Variants in RYR1 observed in about 807,000 individuals in gnomAD.
RYR1 encodes central core disease of muscle.
Under a neutral mutation model 583.5 loss-of-function variants are expected in RYR1, and 342 were observed. That is an observed-to-expected ratio of 0.59 (90% CI 0.54 to 0.64). The LOEUF is 0.64. Ranked by LOEUF, RYR1 falls within the 30% of genes least tolerant of loss-of-function variation. The probability of loss-of-function intolerance (pLI) is 0.00; values close to 1 mark genes in which losing one functional copy is unlikely to be tolerated. For synonymous variants in RYR1, 2,791 were observed against 2,822.5 expected (o/e 0.99, Z 0.35); for missense variants, 6,032 against 6,917.2 (o/e 0.87, Z 4.54).
chr19:38,515,988 A>G (rs1172490161), intron 64 of RYR1, 99 bp from the exon 65 acceptor site: 2 of 1,424,262 alleles, frequency 1.4e-6, no homozygotes, highest in African/African-American at 2.9e-5. Context: ...GCTCTGTCCC[A>G]AAGGGTTCTG....
intron 29 of RYR1, among the ~76,000 whole-genome samples, chr19:38,476,793 G>T (rs1377685473): frequency 2.0e-5 from 3 of 152,158 alleles, no homozygotes; most frequent in Non-Finnish European, 4.4e-5. Context: ...CTCCTATGGA[G>T]GTGCTATGGT....
Position 38,459,140 on chromosome 19 carries a change from A to G in RYR1, c.2168-6A>G. The G allele has an allele frequency of 6.2e-7, 1 of 1,612,670 alleles. No individual in the cohort carries two copies. The highest frequency in any genetic ancestry group is 8.5e-7 in the Non-Finnish European group (1 of 1,179,874). ...ACGTCTGACCCATCTCTGGTGACTG[A>G]TGCAGGACACGTGGCACGCCCAGTG... On this transcript the variant is annotated splice_polypyrimidine_tract_variant and splice_region_variant and intron_variant, in intron 18 of 105. Coordinates refer to ENST00000359596, the MANE Select transcript of RYR1 (RefSeq NM_000540.3).
At chr19:38,552,164 C>A (rs1452430836) in intron 89 of RYR1, among the ~76,000 whole-genome samples, 1 of 151,748 alleles carries the variant, frequency 6.6e-6, no homozygotes, top group Non-Finnish European at 1.5e-5. Context: ...GTTGCCCTAG[C>A]TGGTCTTGAA....
rs138209392 is a variant in RYR1, at chr19:38,466,218, G to A, written c.2998G>A (p.Val1000Met). The A allele has an allele frequency of 1.2e-5, 20 of 1,613,322 alleles. No homozygotes were observed. Among genetic ancestry groups the A allele is most frequent in the African/African-American group, 1.2e-4 (9 of 74,916 alleles). ...NGHNVWARDR[V>M]GQGWSYSAVQ... Reference sequence around the variant, plus strand: ...GCACAACGTGTGGGCCCGAGACCGCGTGGGCCAGGGCTGGAGCTACAGCGC... The same window carrying A: ...GCACAACGTGTGGGCCCGAGACCGCATGGGCCAGGGCTGGAGCTACAGCGC... The change falls in exon 24 of 106, where the codon GTG becomes ATG. Residue 1000 changes from valine (V) to methionine (M), a missense_variant. This residue lies in a region of RYR1 where 2,627 missense variants were observed against 2,961.3 expected (regional missense o/e 0.89). Coordinates refer to ENST00000359596, the MANE Select transcript of RYR1 (RefSeq NM_000540.3).
intron 3 of RYR1, among the ~76,000 whole-genome samples, chr19:38,442,812 C>T (rs576452807): frequency 6.6e-6 from 1 of 152,222 alleles, no homozygotes; most frequent in East Asian, 1.9e-4. Context: ...AGCCCCTGTC[C>T]CCGACGCCTG....
intron 53 of RYR1, 76 bp downstream of exon 53, chr19:38,505,474 C>A: frequency 9.5e-7 from 1 of 1,056,812 alleles, no homozygotes; most frequent in Non-Finnish European, 1.4e-6. Context: ...AGGAGTGAGG[C>A]AATTTCACAT....
At chr19:38,482,535 C>T (rs1221347520) in intron 31 of RYR1, among the ~76,000 whole-genome samples, 2 of 152,066 alleles carry the variant, frequency 1.3e-5, no homozygotes, top group Non-Finnish European at 2.9e-5. Context: ...ACTGCAGCCT[C>T]GACCTCCCAG....
intron 71 of RYR1, among the ~76,000 whole-genome samples, chr19:38,526,767 C>T (rs556028262): frequency 7.9e-5 from 12 of 152,260 alleles, no homozygotes; most frequent in Non-Finnish European, 1.2e-4. Flanking sequence ...CACGAGGCCC[C>T]TCGAATCCTT....
chr19:38,475,311 C>T lies in RYR1; in HGVS notation c.4161-7C>T, dbSNP rs1317856253. ...GGCTCTCATGGCGCCTCTCCTCCCA[C>T]TACCAGCTTCTTATTCAAGGCCAAG... On this transcript the variant is annotated splice_polypyrimidine_tract_variant and splice_region_variant and intron_variant, in intron 28 of 105. Coordinates refer to ENST00000359596, the MANE Select transcript of RYR1 (RefSeq NM_000540.3). The T allele has an allele frequency of 6.4e-7, 1 of 1,573,316 alleles. No homozygotes were observed. The highest frequency in any genetic ancestry group is 2.3e-5 in the East Asian group (1 of 42,576).
intron 105 of RYR1, 63 bp from the exon 106 acceptor site, chr19:38,587,262 A>C: frequency 1.9e-6 from 2 of 1,071,634 alleles, no homozygotes; most frequent in Non-Finnish European, 2.9e-6. Flanking sequence ...AAAAATATAT[A>C]TATATATATG....
At chr19:38,450,497 T>C (rs1967017207) in intron 11 of RYR1, among the ~76,000 whole-genome samples, 1 of 151,894 alleles carries the variant, frequency 6.6e-6, no homozygotes, top group East Asian at 1.9e-4. Flanking sequence ...GGACATTTAA[T>C]AGGCGAAAGA....
chr19:38,495,177 T>C (rs575213017), intron 39 of RYR1, among the ~76,000 whole-genome samples: 2 of 152,162 alleles, frequency 1.3e-5, no homozygotes, highest in Non-Finnish European at 2.9e-5. Flanking sequence ...TGAGCTTCAG[T>C]TTCCTCATCT....
intron 99 of RYR1, among the ~76,000 whole-genome samples, chr19:38,579,587 T>A (rs1974107524): frequency 2.2e-5 from 3 of 133,450 alleles, no homozygotes; most frequent in Admixed American, 7.8e-5. Context: ...TGAAACTCCA[T>A]CTCAAAAAAA....
chr19:38,451,356 G>A (rs1967065499), intron 11 of RYR1, among the ~76,000 whole-genome samples: 2 of 152,110 alleles, frequency 1.3e-5, no homozygotes, highest in South Asian at 4.1e-4. Context: ...AGGTGGTCTG[G>A]CATTCTATCT....
At chr19:38,510,638 A>G (rs771051646) in intron 59 of RYR1, 22 bp from the exon 60 acceptor site, 4 of 1,613,390 alleles carry the variant, frequency 2.5e-6, no homozygotes, top group East Asian at 4.5e-5. Flanking sequence ...TGGACCCTTT[A>G]TCTCCCCCAA....
At chr19:38,531,202 G>A (rs1971725541) in intron 76 of RYR1, among the ~76,000 whole-genome samples, 1 of 151,852 alleles carries the variant, frequency 6.6e-6, no homozygotes, top group African/African-American at 2.4e-5. Context: ...TCTGACATAA[G>A]GCCATCTCGG....
intron 12 of RYR1, among the ~76,000 whole-genome samples, chr19:38,452,561 A>C (rs1967131186): frequency 6.6e-6 from 1 of 152,022 alleles, no homozygotes; most frequent in South Asian, 2.1e-4. Flanking sequence ...CACCCCTGAC[A>C]CCCAGAGCCT....
At position 38,448,791 on chromosome 19, in the gene RYR1, G is replaced by A. The variant is rs113332073; in HGVS notation, c.1100G>A (p.Arg367Gln). ...TYAAPDPKAL[R>Q]LGVLKKKAML... ...GCTGCTCCAGACCCCAAGGCCCTGCGGCTCGGCGTGCTCAAGAAGAAGGTG... is the reference window on the plus strand; with the variant it reads ...GCTGCTCCAGACCCCAAGGCCCTGCAGCTCGGCGTGCTCAAGAAGAAGGTG... Residue 367 changes from arginine to glutamine, a missense_variant, in exon 11 of 106, where the codon CGG becomes CAG. Arg to Gln is a conservative substitution (Grantham distance 43). Transcript: ENST00000359596. 3.7e-6 allele frequency: 6 copies of A among 1,614,056 alleles called. No individual in the cohort carries two copies. Among genetic ancestry groups the A allele is most frequent in the Non-Finnish European group, 4.2e-6 (5 of 1,180,032 alleles).
chr19:38,451,991 G>C, intron 12 of RYR1, 106 bp downstream of exon 12: 1 of 1,507,084 alleles, frequency 6.6e-7, no homozygotes, highest in Non-Finnish European at 9.2e-7. Flanking sequence ...CCACACCCTT[G>C]TCTAACATAT....
Sources: allele counts gnomAD v4.1 joint callset (sites outside exome capture counted in the v4.1 genomes callset), GRCh38; gene constraint gnomAD v4.1.1; regional missense constraint gnomAD v4.1.1; transcripts MANE v1.5; gene names NCBI Gene and HGNC (gene_info 2026-07-23, HGNC 2026-07-21).